Variants in ARNT observed in about 807,000 individuals in gnomAD.
ARNT encodes the protein class E basic helix-loop-helix protein 2.
ARNT carries 30 observed loss-of-function variants against 105.0 expected under a neutral mutation model. The ratio of observed to expected loss-of-function variants is 0.29; its 90% CI spans 0.21 to 0.39. ARNT has a LOEUF of 0.39. Among genes scored for constraint, ARNT ranks in the 10% least tolerant of loss-of-function variants. The probability of loss-of-function intolerance (pLI) is 1.00; values close to 1 mark genes in which losing one functional copy is unlikely to be tolerated. For synonymous variants in ARNT, 304 were observed against 344.0 expected, an observed-to-expected ratio of 0.88 and a Z score of 1.29; for missense variants, 748 against 978.7, an observed-to-expected ratio of 0.76 and a Z score of 3.15.
intron 1 of ARNT, among the ~76,000 whole-genome samples, chr1:150,860,756 T>C (rs587738426): frequency 6.6e-6 from 1 of 151,530 alleles, no homozygotes; most frequent in African/African-American, 2.4e-5. Flanking sequence ...CTCGGGAAGC[T>C]GAGGCAGGGA....
At chr1:150,860,968 AAAG>A (rs145902781) in intron 1 of ARNT, among the ~76,000 whole-genome samples, 5,622 of 152,318 alleles carry the variant, frequency 0.037, 166 homozygotes, top group Middle Eastern at 0.12. Flanking sequence ...GCATTTCTAC[AAAG>A]AAGATATACT....
intron 1 of ARNT, among the ~76,000 whole-genome samples, chr1:150,860,148 A>G (rs1665356458): frequency 6.6e-6 from 1 of 151,578 alleles, no homozygotes; most frequent in Admixed American, 6.6e-5. Flanking sequence ...ATAGTGTACA[A>G]TATTTTGTGC....
chr1:150,812,517 G>C (rs1226660857), intron 21 of ARNT: 1 of 158,230 alleles, frequency 6.3e-6, no homozygotes, highest in Non-Finnish European at 1.4e-5. Context: ...CACTCTTGCA[G>C]TCCCTCAGGA....
chr1:150,847,532 G>A (rs1056672840), intron 3 of ARNT, among the ~76,000 whole-genome samples: 3 of 151,896 alleles, frequency 2.0e-5, no homozygotes, highest in African/African-American at 7.3e-5. Context: ...TTTTTTTATG[G>A]TTAGGAAAAG....
At chr1:150,868,590 G>A (rs6660845) in intron 1 of ARNT, among the ~76,000 whole-genome samples, 52,355 of 151,984 alleles carry the variant, frequency 0.34, 9,355 homozygotes, top group South Asian at 0.53. Flanking sequence ...AGGATCACTC[G>A]AGGACAGTAG....
rs1654461036 is a variant in ARNT at position 150,810,113 on chromosome 1, A to G, written c.*1908T>C. 1 of 231,032 alleles carries G rather than the reference A, an allele frequency of 4.3e-6. No homozygotes were observed. The highest frequency in any genetic ancestry group is 2.2e-5 in the African/African-American group (1 of 45,186). 14.3% of individuals were successfully genotyped at this position (231,032 alleles called of 1,614,324 possible). Reference sequence around the variant, plus strand: ...AAGAAATTTTACAAAAGGAAAAAATATTTTGTTTGAAAATCTTTGCTACAT... The same window carrying G: ...AAGAAATTTTACAAAAGGAAAAAATGTTTTGTTTGAAAATCTTTGCTACAT... On this transcript the variant is annotated 3_prime_UTR_variant, in exon 22 of 22. Transcript: ENST00000358595.
intron 1 of ARNT, among the ~76,000 whole-genome samples, chr1:150,872,184 C>G (rs1403109230): frequency 6.6e-6 from 1 of 152,104 alleles, no homozygotes. Flanking sequence ...TCTCAAATTC[C>G]TGGGCTCAAG....
At chr1:150,862,254 C>G (rs587684059) in intron 1 of ARNT, among the ~76,000 whole-genome samples, 1 of 152,202 alleles carries the variant, frequency 6.6e-6, no homozygotes, top group South Asian at 2.1e-4. Flanking sequence ...GGTGCCAGTA[C>G]TTCCATATTA....
chr1:150,861,024 G>A (rs587756991), intron 1 of ARNT, among the ~76,000 whole-genome samples: 7 of 152,084 alleles, frequency 4.6e-5, no homozygotes, highest in African/African-American at 1.2e-4. Context: ...ATAACCAATC[G>A]CTAGGGAAAT....
At chr1:150,818,811 T>C (rs1294484578) in intron 14 of ARNT, among the ~76,000 whole-genome samples, 2 of 151,872 alleles carry the variant, frequency 1.3e-5, no homozygotes, top group African/African-American at 4.8e-5. Context: ...GTAGGGAAAA[T>C]GATACATAAA....
intron 5 of ARNT, 97 bp from the exon 6 acceptor site, chr1:150,839,751 T>C (rs1660947410): frequency 7.8e-7 from 1 of 1,276,516 alleles, no homozygotes; most frequent in African/African-American, 1.5e-5. Context: ...TGCTGAAGAA[T>C]GTGGTATTCA....
chr1:150,862,988 T>C (rs1185287454), intron 1 of ARNT, among the ~76,000 whole-genome samples: 1 of 147,332 alleles, frequency 6.8e-6, no homozygotes, highest in Admixed American at 6.8e-5. Flanking sequence ...AAGGCGGAGG[T>C]TGCAATGAGC....
intron 12 of ARNT, among the ~76,000 whole-genome samples, chr1:150,828,740 A>G (rs1386294426): frequency 3.9e-5 from 6 of 152,168 alleles, no homozygotes; most frequent in African/African-American, 1.4e-4. Context: ...CTAAATCTGC[A>G]TGTTTTATGG....
chr1:150,874,743 G>A (rs1667996704), intron 1 of ARNT, among the ~76,000 whole-genome samples: 1 of 151,906 alleles, frequency 6.6e-6, no homozygotes. Context: ...GAGGAGAAAG[G>A]AAAACAAAGA....
chr1:150,826,484 A>C, intron 13 of ARNT, 59 bp downstream of exon 13: 1 of 1,382,450 alleles, frequency 7.2e-7, no homozygotes, highest in East Asian at 2.3e-5. Context: ...TCAGTAGTCA[A>C]TATTTATGGA....
At chr1:150,847,267 C>G (rs1414079798) in intron 3 of ARNT, among the ~76,000 whole-genome samples, 1 of 152,032 alleles carries the variant, frequency 6.6e-6, no homozygotes, top group Admixed American at 6.5e-5. Flanking sequence ...CCCGTCTCTA[C>G]TAAAAATACA....
chr1:150,863,762 A>G (rs765526565), intron 1 of ARNT, among the ~76,000 whole-genome samples: 1 of 151,834 alleles, frequency 6.6e-6, no homozygotes, highest in South Asian at 2.1e-4. Context: ...GGTTGCAGTG[A>G]GCCAATCGAG....
At chr1:150,865,934 T>C (rs982757555) in intron 1 of ARNT, among the ~76,000 whole-genome samples, 7 of 152,256 alleles carry the variant, frequency 4.6e-5, no homozygotes, top group African/African-American at 1.7e-4. Context: ...TATGGAATTC[T>C]AAATTAGAAT....
chr1:150,839,691 C>A, intron 5 of ARNT, 37 bp from the exon 6 acceptor site: 2 of 1,576,840 alleles, frequency 1.3e-6, no homozygotes, highest in South Asian at 2.3e-5. Context: ...TCCAGGTGGT[C>A]ACATCTGGTC....
Sources: gnomAD v4.1 joint callset for allele counts (sites outside exome capture counted in the v4.1 genomes callset) on GRCh38, gnomAD v4.1.1 for gene constraint, MANE v1.5 for transcripts, NCBI Gene and HGNC (gene_info 2026-07-23, HGNC 2026-07-21) for gene names.